ZBTB20: variants seen among roughly 807,000 people sequenced by gnomAD.
ZBTB20 encodes zinc finger and BTB domain containing 20.
Under a neutral mutation model 56.9 loss-of-function variants are expected in ZBTB20, and 9 were observed. The ratio of observed to expected loss-of-function variants is 0.16; its 90% CI spans 0.10 to 0.28. The LOEUF (loss-of-function observed/expected upper bound fraction) is 0.28. ZBTB20 is among the 10% of genes least tolerant of loss of function. The probability of loss-of-function intolerance (pLI) is 1.00; values close to 1 mark genes in which losing one functional copy is unlikely to be tolerated. For missense variants in ZBTB20, 655 were observed against 1,003.0 expected (o/e 0.65, Z 4.69); for synonymous variants, 417 against 420.7 (o/e 0.99, Z 0.11).
At position 114,606,168 on chromosome 3, in the gene ZBTB20, T is replaced by C. The variant is rs574492623; in HGVS notation, c.-295+87360A>G. On this transcript the variant is annotated intron_variant, in intron 6 of 11. Coordinates refer to ENST00000675478, the MANE Select transcript of ZBTB20 (RefSeq NM_001348800.3). ...AGCACTATTCCAAATACTCTTCCCC[T>C]GACAATTATCTAATCTCTTTTGTTG... Among the ~76,000 whole-genome samples the C allele has an allele frequency of 7.9e-5, 12 of 152,368 alleles. No homozygotes were observed. The South Asian group carries it at 2.5e-3, about 32-fold the overall frequency.
intron 1 of ZBTB20, among the ~76,000 whole-genome samples, chr3:115,140,665 T>C (rs2084789160): frequency 6.6e-6 from 1 of 152,132 alleles, no homozygotes; most frequent in Admixed American, 6.5e-5. Flanking sequence ...GAGGGCACAC[T>C]AAAATGAATT....
In ZBTB20 at chr3:114,330,799, T is replaced by C. The variant is rs1225333112; in HGVS notation, c.*8206A>G. The C allele has an allele frequency of 6.6e-6, 1 of 152,018 alleles. No homozygotes were observed. The highest frequency in any genetic ancestry group is 1.9e-4 in the East Asian group (1 of 5,186). The allele number at this position is 152,018 out of a possible 1,614,324, so 9.4% of individuals were successfully genotyped here. A position where few individuals can be genotyped will look rare whatever the true frequency, so the allele number is the denominator to read the frequency against. On this transcript the variant is annotated 3_prime_UTR_variant, in exon 12 of 12. Transcript: ENST00000675478. ...CAAACCATCTAGTAAAAGAAGGGCA[T>C]GGGAGTGAGAAAACTGAATCCTGAA...
At chr3:114,544,459 T>TTCTC (rs1466317150) in intron 6 of ZBTB20, among the ~76,000 whole-genome samples, 1 of 118,006 alleles carries the variant, frequency 8.5e-6, no homozygotes, top group African/African-American at 3.7e-5. Context: ...CTTTCTTTCT[T>TTCTC]TCTTTCTTTC....
chr3:114,983,412 A>T (rs2078409071), intron 2 of ZBTB20, among the ~76,000 whole-genome samples: 1 of 151,988 alleles, frequency 6.6e-6, no homozygotes, highest in South Asian at 2.1e-4. Context: ...ATATATAATT[A>T]CACCGAGGAA....
chr3:114,382,827 T>C (rs2084551903), intron 8 of ZBTB20, among the ~76,000 whole-genome samples: 1 of 152,224 alleles, frequency 6.6e-6, no homozygotes, highest in Non-Finnish European at 1.5e-5. Flanking sequence ...TTCTTCTTCC[T>C]TCTCTCCTGT....
chr3:114,369,295 A>C (rs900799236), intron 10 of ZBTB20, among the ~76,000 whole-genome samples: 3 of 152,234 alleles, frequency 2.0e-5, no homozygotes, highest in Non-Finnish European at 4.4e-5. Context: ...AAAACTGATA[A>C]CATAACCAAG....
At chr3:114,910,415 T>C (rs908750462) in intron 3 of ZBTB20, among the ~76,000 whole-genome samples, 29 of 151,774 alleles carry the variant, frequency 1.9e-4, no homozygotes, top group South Asian at 6.2e-4. Flanking sequence ...AATTGGACCA[T>C]AGAAAACAGG....
At chr3:114,921,690 A>G (rs1319352498) in intron 3 of ZBTB20, among the ~76,000 whole-genome samples, 3 of 136,350 alleles carry the variant, frequency 2.2e-5, no homozygotes, top group Non-Finnish European at 4.6e-5. Flanking sequence ...CAGGAAGGGG[A>G]ACATCACACA....
chr3:114,623,825 C>G (rs74589437), intron 6 of ZBTB20, among the ~76,000 whole-genome samples: 11 of 151,912 alleles, frequency 7.2e-5, no homozygotes, highest in South Asian at 6.3e-4. Context: ...CTTCCTCCCC[C>G]CAACAAGCAT....
At chr3:114,990,186 T>G (rs568332438) in intron 2 of ZBTB20, among the ~76,000 whole-genome samples, 2 of 152,196 alleles carry the variant, frequency 1.3e-5, no homozygotes, top group African/African-American at 4.8e-5. Context: ...GTGCCCGTTT[T>G]CAAAGGGAAT....
intron 7 of ZBTB20, among the ~76,000 whole-genome samples, chr3:114,409,107 A>T (rs868808005): frequency 7.6e-6 from 1 of 131,118 alleles, no homozygotes; most frequent in Non-Finnish European, 1.6e-5. Context: ...ATCTTCTAAG[A>T]GGGGGAAAAA....
At chr3:114,559,393 C>T (rs145326950) in intron 6 of ZBTB20, among the ~76,000 whole-genome samples, 1,705 of 152,238 alleles carry the variant, frequency 0.011, 17 homozygotes, top group Admixed American at 0.017. Context: ...ATGGTAAATA[C>T]GTATTGCACA....
At chr3:114,342,627 AG>A (rs1440715122) in intron 11 of ZBTB20, among the ~76,000 whole-genome samples, 3 of 152,200 alleles carry the variant, frequency 2.0e-5, no homozygotes, top group Non-Finnish European at 4.4e-5. Flanking sequence ...TGTCTCGTGA[AG>A]GCGTTTTGAA....
intron 6 of ZBTB20, among the ~76,000 whole-genome samples, chr3:114,601,586 T>C (rs1431954038): frequency 2.0e-5 from 3 of 151,978 alleles, no homozygotes; most frequent in Non-Finnish European, 4.4e-5. Context: ...TGATAGATGA[T>C]TAATAGATAG....
intron 3 of ZBTB20, among the ~76,000 whole-genome samples, chr3:114,945,784 T>C (rs186790301): frequency 6.9e-6 from 1 of 145,378 alleles, no homozygotes; most frequent in Admixed American, 6.6e-5. Context: ...AATATGCTAT[T>C]TGCAGGACAC....
chr3:115,069,963 T>C (rs982391918), intron 2 of ZBTB20, among the ~76,000 whole-genome samples: 12 of 152,166 alleles, frequency 7.9e-5, no homozygotes, highest in African/African-American at 2.9e-4. Context: ...ATTTAACTTA[T>C]TTAAAGTTAA....
Position 114,348,337 on chromosome 3 carries a change from G to GA in ZBTB20, c.1804+1936dup, listed in dbSNP as rs1468194500. 7.2e-5 allele frequency among the ~76,000 whole-genome samples: 11 copies of GA among 152,218 alleles called. No homozygotes were observed. The East Asian group carries it at 1.5e-3, about 21-fold the overall frequency. The stretch of plus-strand genomic sequence containing the variant: ...CTTATAAATCAGCTATCCAGGGGAG[G>GA]AAAGGATATAAACTATGTGACAGCA... On this transcript the variant is annotated intron_variant, in intron 11 of 11. Coordinates refer to ENST00000675478, the MANE Select transcript of ZBTB20 (RefSeq NM_001348800.3).
intron 5 of ZBTB20, among the ~76,000 whole-genome samples, chr3:114,749,690 A>G (rs1337686442): frequency 6.6e-6 from 1 of 152,224 alleles, no homozygotes; most frequent in Admixed American, 6.5e-5. Context: ...ATGTAAATAT[A>G]TAACCAGGCA....
intron 8 of ZBTB20, among the ~76,000 whole-genome samples, chr3:114,385,925 G>A (rs933788998): frequency 6.6e-6 from 1 of 152,176 alleles, no homozygotes; most frequent in African/African-American, 2.4e-5. Context: ...TTGGGTAGGG[G>A]CAAATGGATT....
Sources: allele counts gnomAD v4.1 joint callset (sites outside exome capture counted in the v4.1 genomes callset), GRCh38; gene constraint gnomAD v4.1.1; transcripts MANE v1.5; gene names NCBI Gene and HGNC (gene_info 2026-07-23, HGNC 2026-07-21).